The following AQR variants were observed in gnomAD, a reference collection of about 807,000 sequenced individuals.
The protein encoded by AQR is RNA helicase aquarius.
AQR carries 61 observed loss-of-function variants against 180.5 expected under a neutral mutation model. The observed-to-expected ratio is 0.34, with a 90% CI of 0.28 to 0.42. The LOEUF (loss-of-function observed/expected upper bound fraction) is 0.42. AQR is among the 10% of genes least tolerant of loss of function. AQR has a pLI of 1.00. For missense variants in AQR, 1,281 were observed against 1,798.3 expected (o/e 0.71, Z 5.20); for synonymous variants, 551 against 588.8 (o/e 0.94, Z 0.93).
rs369825498 is a variant in AQR, at chr15:34,896,961, G to A, written c.2396C>T (p.Thr799Met). ...TATCTGTGTATGAGTGAACTGAATC[G>A]TATTACTGCAAATAAGAGTAAATAA... ...PYPYNQPKRN[T>M]IQFTHTQIEA... Residue 799 changes from threonine to methionine, a missense_variant, in exon 22 of 35, where the codon ACG (threonine) becomes ATG (methionine). Thr to Met is a moderately conservative substitution (Grantham distance 81). Around this residue, in one of 9 missense-constraint regions of AQR, gnomAD observed 112 missense variants for 128.6 expected, o/e 0.87. Transcript: ENST00000156471. 85 of 1,611,052 alleles carry A rather than the reference G, an allele frequency of 5.3e-5. No individual in the cohort carries two copies. In the East Asian group the frequency reaches 1.1e-3, roughly 20 times the overall value.
intron 13 of AQR, among the ~76,000 whole-genome samples, chr15:34,926,491 C>T (rs1215288308): frequency 1.3e-5 from 2 of 152,114 alleles, no homozygotes; most frequent in East Asian, 1.9e-4. Context: ...CTATTCTATG[C>T]CCCAGATACC....
chr15:34,876,304 T>G (rs1892888919), intron 27 of AQR, among the ~76,000 whole-genome samples: 1 of 152,210 alleles, frequency 6.6e-6, no homozygotes, highest in Non-Finnish European at 1.5e-5. Flanking sequence ...AGTTTGGTTC[T>G]TTTCAATTTA....
At chr15:34,864,591 T>G (rs1037953571) in intron 32 of AQR, among the ~76,000 whole-genome samples, 3 of 152,108 alleles carry the variant, frequency 2.0e-5, no homozygotes, top group Admixed American at 6.6e-5. Flanking sequence ...ATAAATAAAA[T>G]TATAGTGGAA....
rs1365166823 is a variant in AQR, at chr15:34,947,515, AT to A, written c.330+748del. ...CACCCAAGAATGATCAATAAAAAAA[AT>A]AATAATAATAATAATAATAATAAAA... is the stretch of plus-strand genomic sequence containing the variant. On this transcript the variant is annotated intron_variant, in intron 5 of 34. Transcript: ENST00000156471. Among the ~76,000 whole-genome samples, 978 of 127,286 alleles carry A rather than the reference AT, an allele frequency of 7.7e-3. 14 individuals are homozygous for A. Among genetic ancestry groups the A allele is most frequent in the Admixed American group, 0.012 (145 of 12,392 alleles). The allele number at this position is 127,286 out of a possible 152,430, so 83.5% of individuals were successfully genotyped here. A position where few individuals can be genotyped will look rare whatever the true frequency, so the allele number is the denominator to read the frequency against.
At chr15:34,884,879 C>A in intron 25 of AQR, 145 bp from the exon 26 acceptor site, 1 of 651,780 alleles carries the variant, frequency 1.5e-6, no homozygotes, top group Non-Finnish European at 2.5e-6. Context: ...AACTATTCTT[C>A]ATTCCTGTAA....
intron 4 of AQR, among the ~76,000 whole-genome samples, chr15:34,951,244 G>C (rs1260560688): frequency 6.6e-6 from 1 of 152,118 alleles, no homozygotes; most frequent in Non-Finnish European, 1.5e-5. Flanking sequence ...AGTTTAGCAA[G>C]AAACCATCAA....
rs776464947 is a variant in AQR at position 34,932,339 on chromosome 15, C to T, written c.879G>A (p.Glu293=). Residue 293 remains glutamate (E), a synonymous_variant, in exon 11 of 35, where the codon GAG becomes GAA. Transcript: ENST00000156471. ...TCACCTGGGAAAAAAGATGGCCATC[C>T]TCTTCTCTACGAACAAGATTGGAAA... ...CYLSNLVRRE[E]DGHLFSQLLD... 1 of 1,612,934 alleles carries T rather than the reference C, an allele frequency of 6.2e-7. No individual in the cohort carries two copies. The highest frequency in any genetic ancestry group is 8.5e-7 in the Non-Finnish European group (1 of 1,178,994).
intron 6 of AQR, chr15:34,943,082 G>A (rs1323777213): frequency 6.2e-7 from 1 of 1,611,562 alleles, no homozygotes; most frequent in East Asian, 2.2e-5. Flanking sequence ...ACGCAAGCAT[G>A]GTTAACGTCC....
Position 34,870,893 on chromosome 15 carries a change from T to C in AQR, c.3627A>G (p.Ala1209=). ...CAAGTAAACACATGTACATAAAAAG[T>C]GCTACTACATATTCTGCCTCTCCAA... is the stretch of plus-strand genomic sequence containing the variant. ...QNLGEAEYVV[A]LFMYMCLLGY... is the part of the protein sequence containing the mutation. The change falls in exon 31 of 35, where the codon GCA becomes GCG. Residue 1209 remains alanine (A), a synonymous_variant. Transcript: ENST00000156471. The C allele has an allele frequency of 6.2e-7, 1 of 1,613,014 alleles. No homozygotes were observed. Among genetic ancestry groups the C allele is most frequent in the South Asian group, 1.1e-5 (1 of 91,008 alleles).
intron 9 of AQR, among the ~76,000 whole-genome samples, chr15:34,936,269 C>G (rs1036000707): frequency 1.3e-5 from 2 of 152,154 alleles, no homozygotes; most frequent in Non-Finnish European, 2.9e-5. Context: ...AACTACAATC[C>G]TTCTCAAAAT....
At position 34,878,797 on chromosome 15, in the gene AQR, G is replaced by A. The variant is rs1047457037; in HGVS notation, c.3166-2791C>T. Among the ~76,000 whole-genome samples the A allele has an allele frequency of 3.3e-5, 5 of 152,146 alleles. No homozygotes were observed. In the South Asian group the frequency reaches 6.2e-4, roughly 19 times the overall value. On this transcript the variant is annotated intron_variant, in intron 27 of 34. Transcript: ENST00000156471. ...TGTAATCCCAGCACTTTGGGAGCCC[G>A]AGGCTGGATCACTTGAGGTCAGGAG...
intron 9 of AQR, among the ~76,000 whole-genome samples, chr15:34,936,481 C>T (rs143331198): frequency 0.024 from 3,723 of 152,110 alleles, 70 homozygotes; most frequent in Middle Eastern, 0.071. Context: ...TTTGGGAGGC[C>T]GAGGAGGGTG....
intron 26 of AQR, among the ~76,000 whole-genome samples, chr15:34,884,123 T>C (rs1397776576): frequency 2.6e-5 from 4 of 152,162 alleles, no homozygotes; most frequent in African/African-American, 9.7e-5. Flanking sequence ...TTGAATATTT[T>C]GGGCCGGGTG....
chr15:34,870,309 T>C (rs12591419), intron 31 of AQR: 6,574 of 152,282 alleles, frequency 0.043, 204 homozygotes, highest in East Asian at 0.12. Context: ...TCATTTTATT[T>C]GATATTATGC....
chr15:34,923,279 T>C (rs1460007231), intron 13 of AQR, among the ~76,000 whole-genome samples: 1 of 152,204 alleles, frequency 6.6e-6, no homozygotes, highest in Non-Finnish European at 1.5e-5. Flanking sequence ...ACTGGGGTTC[T>C]GGAACACATC....
Position 34,941,016 on chromosome 15 carries a change from T to G in AQR, c.541-17A>C, listed in dbSNP as rs115704401. Reference sequence around the variant, plus strand: ...CAATCGTGCCTGAAGAAGAGATGTGTTATTAAATTACCAGTAGCCTCAAAG... The same window carrying G: ...CAATCGTGCCTGAAGAAGAGATGTGGTATTAAATTACCAGTAGCCTCAAAG... On this transcript the variant is annotated splice_polypyrimidine_tract_variant and intron_variant, in intron 7 of 34. Coordinates refer to ENST00000156471, the MANE Select transcript of AQR (RefSeq NM_014691.3). 2.4e-3 allele frequency: 3,700 copies of G among 1,535,080 alleles called. 81 individuals carry two copies. In the African/African-American group the frequency reaches 0.046, roughly 19 times the overall value.
chr15:34,874,070 G>A, intron 29 of AQR, 71 bp from the exon 30 acceptor site: 1 of 1,353,694 alleles, frequency 7.4e-7, no homozygotes, highest in Non-Finnish European at 9.7e-7. Flanking sequence ...TATACATAAG[G>A]AGGTTTCTGT....
At chr15:34,921,206 T>G (rs1893679191) in intron 13 of AQR, among the ~76,000 whole-genome samples, 1 of 151,930 alleles carries the variant, frequency 6.6e-6, no homozygotes, top group Non-Finnish European at 1.5e-5. Flanking sequence ...GAGGCCGAGG[T>G]GGGCGGATCA....
At chr15:34,869,781 CT>C (rs1393024061) in intron 31 of AQR, 3 of 152,252 alleles carry the variant, frequency 2.0e-5, no homozygotes, top group African/African-American at 7.2e-5. Flanking sequence ...CATTTCATCT[CT>C]TTCTGAGTTC....
Sources: gnomAD v4.1 joint callset for allele counts (sites outside exome capture counted in the v4.1 genomes callset) on GRCh38, gnomAD v4.1.1 for gene constraint, gnomAD v4.1.1 regional missense constraint, MANE v1.5 for transcripts, NCBI Gene and HGNC (gene_info 2026-07-23, HGNC 2026-07-21) for gene names.